Variants in DCHS2 observed in about 807,000 individuals in gnomAD.
The protein encoded by DCHS2 is protocadherin-23.
In DCHS2, 142 loss-of-function variants were observed where a neutral mutation model predicts 182.4. The ratio of observed to expected loss-of-function variants is 0.78; its 90% CI spans 0.68 to 0.89. The LOEUF (loss-of-function observed/expected upper bound fraction) is 0.89. DCHS2 is among the 40% of genes least tolerant of loss of function. The pLI is 0.00. For synonymous variants in DCHS2, 1,740 were observed against 1,663.3 expected (o/e 1.05, Z -1.12); for missense variants, 4,319 against 4,198.6 (o/e 1.03, Z -0.79).
chr4:154,279,502 G>A (rs567321638), intron 13 of DCHS2, among the ~76,000 whole-genome samples: 2 of 151,974 alleles, frequency 1.3e-5, no homozygotes, highest in East Asian at 3.9e-4. Flanking sequence ...ATCACAAGAT[G>A]TAAATAAGAA....
intron 1 of DCHS2, among the ~76,000 whole-genome samples, chr4:154,441,616 T>C (rs1237689588): frequency 1.1e-5 from 1 of 91,530 alleles, no homozygotes; most frequent in African/African-American, 2.8e-5. Flanking sequence ...AGAACATTCT[T>C]TCCCTGAATT....
chr4:154,267,465 G>A (rs918700523), intron 14 of DCHS2, among the ~76,000 whole-genome samples: 15 of 151,982 alleles, frequency 9.9e-5, no homozygotes, highest in African/African-American at 3.6e-4. Flanking sequence ...AAGCACTGGT[G>A]GAACCATTCC....
At chr4:154,324,509 C>T (rs904036194) in intron 7 of DCHS2, among the ~76,000 whole-genome samples, 19 of 152,194 alleles carry the variant, frequency 1.2e-4, no homozygotes, top group African/African-American at 4.6e-4. Context: ...ACGGAGAATA[C>T]ACATGCACAC....
At chr4:154,315,395 C>T (rs1735816251) in intron 10 of DCHS2, among the ~76,000 whole-genome samples, 1 of 152,112 alleles carries the variant, frequency 6.6e-6, no homozygotes, top group African/African-American at 2.4e-5. Context: ...AATAAAGAAC[C>T]ATTTATCTTC....
At chr4:154,284,669 C>T (rs1478634068) in intron 13 of DCHS2, 1 of 152,286 alleles carries the variant, frequency 6.6e-6, no homozygotes, top group Admixed American at 6.5e-5. Flanking sequence ...CTGGGCAGAA[C>T]TCAGCCAGCT....
intron 4 of DCHS2, 98 bp downstream of exon 4, chr4:154,334,770 G>T: frequency 1.0e-6 from 1 of 988,800 alleles, no homozygotes; most frequent in Non-Finnish European, 1.5e-6. Context: ...GACTTGCGTG[G>T]AAAGAAGAAA....
intron 1 of DCHS2, among the ~76,000 whole-genome samples, chr4:154,456,086 T>C (rs62330367): frequency 6.6e-6 from 1 of 150,432 alleles, no homozygotes; most frequent in Non-Finnish European, 1.5e-5. Flanking sequence ...CAAGACTCCA[T>C]TTAAAAAAAA....
Position 154,427,302 on chromosome 4 carries a change from T to A in DCHS2, c.2053-49858A>T, listed in dbSNP as rs562168945. ...CTAACTGGTGTATAAATAGACTAAC[T>A]TGCTCTTGTACCACCACAGAGTTTC... On this transcript the variant is annotated intron_variant, in intron 1 of 19. Coordinates refer to ENST00000357232, the MANE Select transcript of DCHS2 (RefSeq NM_001358235.2). Among the ~76,000 whole-genome samples, 6 of 152,266 alleles carry A rather than the reference T, an allele frequency of 3.9e-5. No homozygotes were observed. In the East Asian group the frequency reaches 1.2e-3, roughly 29 times the overall value.
chr4:154,308,364 A>T (rs1343784954), intron 10 of DCHS2, among the ~76,000 whole-genome samples: 2 of 152,166 alleles, frequency 1.3e-5, no homozygotes, highest in East Asian at 3.8e-4. Context: ...TTTCTCTATG[A>T]CATATTTTTC....
chr4:154,337,923 T>G (rs530979896), intron 3 of DCHS2, among the ~76,000 whole-genome samples: 1 of 151,910 alleles, frequency 6.6e-6, no homozygotes, highest in Non-Finnish European at 1.5e-5. Flanking sequence ...GTATCTTTAG[T>G]AGAGCCAGGG....
intron 7 of DCHS2, among the ~76,000 whole-genome samples, chr4:154,325,132 G>T (rs1736226795): frequency 6.6e-6 from 1 of 151,962 alleles, no homozygotes; most frequent in African/African-American, 2.4e-5. Context: ...CCAAGAAATG[G>T]CAGAGTATGA....
chr4:154,444,897 C>T (rs1734209450), intron 1 of DCHS2, among the ~76,000 whole-genome samples: 1 of 152,164 alleles, frequency 6.6e-6, no homozygotes, highest in Admixed American at 6.5e-5. Flanking sequence ...TCTGCAAACC[C>T]AGCCAGCAGG....
At chr4:154,388,246 G>T (rs1170280623) in intron 1 of DCHS2, among the ~76,000 whole-genome samples, 1 of 151,872 alleles carries the variant, frequency 6.6e-6, no homozygotes, top group African/African-American at 2.4e-5. Flanking sequence ...TCATAAGAGA[G>T]AATTCAATGT....
intron 1 of DCHS2, among the ~76,000 whole-genome samples, chr4:154,418,649 G>T (rs565024951): frequency 2.9e-4 from 44 of 152,200 alleles, no homozygotes; most frequent in African/African-American, 1.0e-3. Context: ...TAAGCATTTT[G>T]TAATATCTCC....
chr4:154,241,462 A>G (rs1272118555), intron 17 of DCHS2, among the ~76,000 whole-genome samples: 1 of 152,134 alleles, frequency 6.6e-6, no homozygotes, highest in African/African-American at 2.4e-5. Flanking sequence ...AAATAGATGA[A>G]ATGTTCAATG....
In DCHS2 at chr4:154,298,639, T is replaced by C. The variant is rs778345745; in HGVS notation, c.5675A>G (p.Asp1892Gly). The change falls in exon 13 of 20, where the codon GAC (aspartate) becomes GGC (glycine). Residue 1892 changes from aspartate to glycine, a missense_variant. Physicochemically the swap from Asp to Gly is moderately conservative, Grantham distance 94 (BLOSUM62 -1). Coordinates refer to ENST00000357232, the MANE Select transcript of DCHS2 (RefSeq NM_001358235.2). ...GGTAAAATTGCTGATTTGCTCCCGG[T>C]CCAAAGCACGAGTGGTTGAGAGTTC... ...SGELSTTRAL[D>G]REQISNFTLV... 1 of 1,613,968 alleles carries C rather than the reference T, an allele frequency of 6.2e-7. No homozygotes were observed. Among genetic ancestry groups the C allele is most frequent in the South Asian group, 1.1e-5 (1 of 91,054 alleles).
chr4:154,349,156 T>A (rs7689027), intron 3 of DCHS2, among the ~76,000 whole-genome samples: 48,033 of 151,838 alleles, frequency 0.32, 9,329 homozygotes, highest in Non-Finnish European at 0.43. Context: ...AACACCTCGA[T>A]GTGTTCCAGT....
chr4:154,485,113 T>TAA (rs35034088), intron 1 of DCHS2, among the ~76,000 whole-genome samples: 3 of 151,520 alleles, frequency 2.0e-5, no homozygotes, highest in Non-Finnish European at 2.9e-5. Context: ...CTTTTTTTTT[T>TAA]AAATGAACTT....
chr4:154,371,545 G>A (rs1158716765), intron 2 of DCHS2, among the ~76,000 whole-genome samples: 1 of 152,134 alleles, frequency 6.6e-6, no homozygotes, highest in African/African-American at 2.4e-5. Context: ...GGGCAGAGAA[G>A]GCAGGTAGGT....
Sources: gnomAD v4.1 joint callset for allele counts (sites outside exome capture counted in the v4.1 genomes callset) on GRCh38, gnomAD v4.1.1 for gene constraint, MANE v1.5 for transcripts, NCBI Gene and HGNC (gene_info 2026-07-23, HGNC 2026-07-21) for gene names.